The following TMEM42 variants were observed in gnomAD, a reference collection of about 807,000 sequenced individuals.
The protein encoded by TMEM42 is transmembrane protein 42.
Under a neutral mutation model 14.0 loss-of-function variants are expected in TMEM42, and 8 were observed. That is an observed-to-expected ratio of 0.57 (90% confidence interval 0.34 to 1.03). The LOEUF (loss-of-function observed/expected upper bound fraction) is 1.03. Among genes scored for constraint, TMEM42 ranks in the 50% least tolerant of loss-of-function variants. The pLI is 0.03. For synonymous variants in TMEM42, 115 were observed against 94.3 expected, an observed-to-expected ratio of 1.22 and a Z score of -1.27; for missense variants, 211 against 219.8, an observed-to-expected ratio of 0.96 and a Z score of 0.25.
chr3:44,865,183 C>G lies in TMEM42; in HGVS notation c.*3C>G, dbSNP rs755590861. On this transcript the variant is annotated 3_prime_UTR_variant, in exon 3 of 3. Coordinates refer to ENST00000302392, the MANE Select transcript of TMEM42 (RefSeq NM_144638.3). ...CCCTTCCACACAAGCAGCAGTAGCA[C>G]CACTTGGCTAGACGGACCAGCTGGA... 3 of 1,614,208 alleles carry G rather than the reference C, an allele frequency of 1.9e-6. No individual in the cohort carries two copies. In the Admixed American group the frequency reaches 5.0e-5, roughly 27 times the overall value.
Position 44,862,086 on chromosome 3 carries a change from C to G in TMEM42, c.162C>G (p.Ala54=). The G allele has an allele frequency of 7.7e-7, 1 of 1,295,890 alleles. No individual in the cohort carries two copies. The highest frequency in any genetic ancestry group is 9.8e-7 in the Non-Finnish European group (1 of 1,018,410). The allele number at this position is 1,295,890 out of a possible 1,614,324, so 80.3% of individuals were successfully genotyped here. The change falls in exon 1 of 3, where the codon GCC becomes GCG. Residue 54 remains alanine, a synonymous_variant. Transcript: ENST00000302392. ...CCGGCGCGTTCGGGGCCCTGGCCGC[C>G]GCCTCCGCCAAGCTGGCCTTCGGCA... ...LCAGAFGALA[A]ASAKLAFGSE...
intron 2 of TMEM42, 132 bp downstream of exon 2, chr3:44,864,475 C>G: frequency 2.9e-6 from 3 of 1,042,526 alleles, no homozygotes; most frequent in Non-Finnish European, 4.2e-6. Context: ...TGGCTTGACC[C>G]CTGGATGAGT....
chr3:44,861,989 C>T lies in TMEM42; in HGVS notation c.65C>T (p.Ala22Val). 1 of 1,383,280 alleles carries T rather than the reference C, an allele frequency of 7.2e-7. No individual in the cohort carries two copies. Among genetic ancestry groups the T allele is most frequent in the Non-Finnish European group, 9.4e-7 (1 of 1,067,662 alleles). The allele number at this position is 1,383,280 out of a possible 1,614,324, so 85.7% of individuals were successfully genotyped here. A position where few individuals can be genotyped will look rare whatever the true frequency, so the allele number is the denominator to read the frequency against. ...GCGACCGCGTACCCTGACACCCCCG[C>T]GGAATTCCCTCCGCACCTCCAGGCG... ...VSATAYPDTPAEFPPHLQAGA... is the reference protein window; with the variant it reads ...VSATAYPDTPVEFPPHLQAGA... The change falls in exon 1 of 3, where the codon GCG (alanine) becomes GTG (valine). Residue 22 changes from alanine to valine, a missense_variant. Physicochemically the swap from Ala to Val is moderately conservative, Grantham distance 64. Coordinates refer to ENST00000302392, the MANE Select transcript of TMEM42 (RefSeq NM_144638.3).
intron 1 of TMEM42, 34 bp downstream of exon 1, chr3:44,862,150 CGGGCGGGCGGGCGGGGCGCCGCT>C: frequency 1.1e-5 from 1 of 93,418 alleles, no homozygotes; most frequent in Non-Finnish European, 2.0e-5. Context: ...GCTGCTGCTG[CGGGCGGGCGGGCGGGGCGCCGCT>C]GGGCGGAGGA....
At chr3:44,862,401 GACCTAAA>G (rs1248344884) in intron 1 of TMEM42, 1 of 153,962 alleles carries the variant, frequency 6.5e-6, no homozygotes, top group Non-Finnish European at 1.4e-5. Flanking sequence ...CCTTACCAGG[GACCTAAA>G]ACCTTTTCTC....
At position 44,865,277 on chromosome 3, in the gene TMEM42, A is replaced by T; in HGVS notation, c.*97A>T. The stretch of plus-strand genomic sequence containing the variant: ...GTATCCTAGGGCGATCCAGTTGTGC[A>T]GCCTTCTGACCATCAGCCAAGGGAA... On this transcript the variant is annotated 3_prime_UTR_variant, in exon 3 of 3. Coordinates refer to ENST00000302392, the MANE Select transcript of TMEM42 (RefSeq NM_144638.3). 1 of 1,531,400 alleles carries T rather than the reference A, an allele frequency of 6.5e-7. No homozygotes were observed. Among genetic ancestry groups the T allele is most frequent in the African/African-American group, 1.4e-5 (1 of 73,298 alleles). The allele number at this position is 1,531,400 out of a possible 1,614,324, so 94.9% of individuals were successfully genotyped here. A position where few individuals can be genotyped will look rare whatever the true frequency, so the allele number is the denominator to read the frequency against.
chr3:44,864,343 G>A lies in TMEM42; in HGVS notation c.339G>A (p.Ser113=), dbSNP rs769658359. Residue 113 remains serine (S), a splice_region_variant and synonymous_variant, in exon 2 of 3, where the codon TCG becomes TCA. Coordinates refer to ENST00000302392, the MANE Select transcript of TMEM42 (RefSeq NM_144638.3). ...VTVTFSNILS[S]AFLGYVLYGE... ...TGACTTTTTCAAATATCCTCAGCTC[G>A]GTGAGTAGCCTGAGGGTGTGGTGCT... The A allele has an allele frequency of 7.4e-6, 12 of 1,613,932 alleles. No individual in the cohort carries two copies. The highest frequency in any genetic ancestry group is 1.3e-5 in the African/African-American group (1 of 74,880).
chr3:44,862,937 A>T (rs536479345), intron 1 of TMEM42: 35 of 152,176 alleles, frequency 2.3e-4, no homozygotes, highest in African/African-American at 8.2e-4. Context: ...TAAAATGAAT[A>T]ACTTTGTATG....
intron 1 of TMEM42, chr3:44,863,958 T>C: frequency 1.9e-6 from 1 of 530,440 alleles, no homozygotes. Flanking sequence ...CAAGATCATA[T>C]GGCCAGCAAG....
Position 44,864,302 on chromosome 3 carries a change from A to G in TMEM42, c.298A>G (p.Ile100Val), listed in dbSNP as rs1699297038. 6.2e-7 allele frequency: 1 copy of G among 1,614,174 alleles called. No homozygotes were observed. The change falls in exon 2 of 3, where the codon ATT becomes GTT. Residue 100 changes from isoleucine (I) to valine (V), a missense_variant. Transcript: ENST00000302392. ...CCTCAGTTTCTCCATGTCTTCAGCC[A>G]TTGCATCTGTCACAGTGACTTTTTC... ...RGLSFSMSSA[I>V]ASVTVTFSNI...
intron 2 of TMEM42, 99 bp from the exon 3 acceptor site, chr3:44,864,941 C>T (rs574528010): frequency 6.6e-7 from 1 of 1,517,124 alleles, no homozygotes; most frequent in African/African-American, 1.4e-5. Context: ...GGCTCCAGAC[C>T]TTTCCTCCTG....
chr3:44,861,931 G>A lies in TMEM42; in HGVS notation c.7G>A (p.Glu3Lys). Residue 3 changes from glutamate to lysine, a missense_variant, in exon 1 of 3, where the codon GAG (glutamate) becomes AAG (lysine). Transcript: ENST00000302392. ...CACGGTGTCAGCAGGCAACATGGCC[G>A]AGAGGCCGGGGCCTCCGGGCGGCGC... is the stretch of plus-strand genomic sequence containing the variant. MA[E>K]RPGPPGGAVS... The A allele has an allele frequency of 2.1e-6, 3 of 1,442,202 alleles. No individual in the cohort carries two copies. Among genetic ancestry groups the A allele is most frequent in the South Asian group, 1.4e-5 (1 of 72,386 alleles). 89.3% of individuals were successfully genotyped at this position (1,442,202 alleles called of 1,614,324 possible).
At chr3:44,864,089 C>A in intron 1 of TMEM42, 108 bp from the exon 2 acceptor site, 2 of 1,406,604 alleles carry the variant, frequency 1.4e-6, no homozygotes, top group Non-Finnish European at 2.0e-6. Context: ...GTAGTGGGAG[C>A]TCAGTAGGAG....
At chr3:44,862,150 C>T in intron 1 of TMEM42, 34 bp downstream of exon 1, 1 of 93,420 alleles carries the variant, frequency 1.1e-5, no homozygotes, top group Non-Finnish European at 2.0e-5. Context: ...GCTGCTGCTG[C>T]GGGCGGGCGG....
Position 44,861,918 on chromosome 3 carries a change from AG to A in TMEM42, c.-5del. ...AGCGGGTGCCAGGCACGGTGTCAGC[AG>A]GCAACATGGCCGAGAGGCCGGGGCC... On this transcript the variant is annotated 5_prime_UTR_variant, in exon 1 of 3. Coordinates refer to ENST00000302392, the MANE Select transcript of TMEM42 (RefSeq NM_144638.3). 6.8e-7 allele frequency: 1 copy of A among 1,473,926 alleles called. No individual in the cohort carries two copies. The allele number at this position is 1,473,926 out of a possible 1,614,324, so 91.3% of individuals were successfully genotyped here.
rs1699310334 is a variant in TMEM42 at position 44,865,393 on chromosome 3, T to G, written c.*213T>G. ...GGAAGTGTTTTGATCATCTGTACAG[T>G]GCTTTGGATTCTTCCTCCCAGGCCT... On this transcript the variant is annotated 3_prime_UTR_variant, in exon 3 of 3. Transcript: ENST00000302392. 1 of 597,678 alleles carries G rather than the reference T, an allele frequency of 1.7e-6. No homozygotes were observed. Among genetic ancestry groups the G allele is most frequent in the Non-Finnish European group, 2.8e-6 (1 of 352,150 alleles). The allele number at this position is 597,678 out of a possible 1,614,324, so 37.0% of individuals were successfully genotyped here.
At position 44,861,915 on chromosome 3, in the gene TMEM42, A is replaced by C. The variant is rs1699254732; in HGVS notation, c.-10A>C. On this transcript the variant is annotated 5_prime_UTR_variant, in exon 1 of 3. Transcript: ENST00000302392. Reference sequence around the variant, plus strand: ...GGCAGCGGGTGCCAGGCACGGTGTCAGCAGGCAACATGGCCGAGAGGCCGG... The same window carrying C: ...GGCAGCGGGTGCCAGGCACGGTGTCCGCAGGCAACATGGCCGAGAGGCCGG... 3 of 1,475,906 alleles carry C rather than the reference A, an allele frequency of 2.0e-6. No individual in the cohort carries two copies. The highest frequency in any genetic ancestry group is 2.7e-6 in the Non-Finnish European group (3 of 1,117,460). 91.4% of individuals were successfully genotyped at this position (1,475,906 alleles called of 1,614,324 possible). A position where few individuals can be genotyped will look rare whatever the true frequency, so the allele number is the denominator to read the frequency against.
rs1379831034 is a variant in TMEM42 at position 44,864,483 on chromosome 3, A to C, written c.339+140A>C. The C allele has an allele frequency of 5.2e-6, 5 of 959,166 alleles. No homozygotes were observed. In the African/African-American group the frequency reaches 8.2e-5, roughly 16 times the overall value. The allele number at this position is 959,166 out of a possible 1,614,324, so 59.4% of individuals were successfully genotyped here. On this transcript the variant is annotated intron_variant, in intron 2 of 2. Coordinates refer to ENST00000302392, the MANE Select transcript of TMEM42 (RefSeq NM_144638.3). ...TGGGCTGTGGCTTGACCCCTGGATG[A>C]GTGCTCTATTCATGGAGCAAATGTA...
chr3:44,864,079 G>C, intron 1 of TMEM42, 118 bp from the exon 2 acceptor site: 1 of 1,253,650 alleles, frequency 8.0e-7, no homozygotes, highest in Non-Finnish European at 1.1e-6. Context: ...CCTCTGAGCT[G>C]TAGTGGGAGC....
Sources: allele counts gnomAD v4.1 joint callset, GRCh38; gene constraint gnomAD v4.1.1; transcripts MANE v1.5; gene names NCBI Gene and HGNC (gene_info 2026-07-23, HGNC 2026-07-21).